ARHGEF10L: variants seen among roughly 807,000 people sequenced by gnomAD.
The protein encoded by ARHGEF10L is rho guanine nucleotide exchange factor 10-like protein.
ARHGEF10L carries 69 observed loss-of-function variants against 141.2 expected under a neutral mutation model. The ratio of observed to expected loss-of-function variants is 0.49; its 90% CI spans 0.40 to 0.60. ARHGEF10L has a LOEUF of 0.60. Ranked by LOEUF, ARHGEF10L falls within the 20% of genes least tolerant of loss-of-function variation. ARHGEF10L has a pLI of 0.00. For synonymous variants in ARHGEF10L, 711 were observed against 718.5 expected (o/e 0.99, Z 0.17); for missense variants, 1,482 against 1,734.3 (o/e 0.85, Z 2.58).
At chr1:17,536,230 G>A (rs777251146), upstream of ARHGEF10L, among the ~76,000 whole-genome samples, 6 of 152,090 alleles carry the variant, frequency 3.9e-5, no homozygotes, top group Non-Finnish European at 8.8e-5. Flanking sequence ...CTGTAATCCC[G>A]GCACTTTGGG....
At chr1:17,690,337 TC>T (rs537605800) in intron 27 of ARHGEF10L, among the ~76,000 whole-genome samples, 12 of 152,210 alleles carry the variant, frequency 7.9e-5, no homozygotes, top group South Asian at 2.1e-4. Context: ...CAGCTTCCCA[TC>T]CTCGGTCCCT....
chr1:17,605,423 G>A lies in ARHGEF10L; in HGVS notation c.433+1832G>A, dbSNP rs114968081. Among the ~76,000 whole-genome samples, 1,296 of 152,236 alleles carry A rather than the reference G, an allele frequency of 8.5e-3. 24 individuals are homozygous for A. The highest frequency in any genetic ancestry group is 0.029 in the African/African-American group (1,213 of 41,520). Reference sequence around the variant, plus strand: ...GTAGATTCCATGAGGTAATTGATGAGGACACTGAGCAGGAAGCATGAGGGG... The same window carrying A: ...GTAGATTCCATGAGGTAATTGATGAAGACACTGAGCAGGAAGCATGAGGGG... On this transcript the variant is annotated intron_variant, in intron 6 of 28. Transcript: ENST00000361221.
intron 8 of ARHGEF10L, among the ~76,000 whole-genome samples, chr1:17,614,452 T>C (rs186208173): frequency 9.2e-5 from 14 of 152,320 alleles, no homozygotes; most frequent in Non-Finnish European, 1.6e-4. Flanking sequence ...TGTTCTTTTT[T>C]GCCCAGGAAA....
intron 4 of ARHGEF10L, among the ~76,000 whole-genome samples, chr1:17,588,734 T>C (rs1332602623): frequency 6.6e-6 from 1 of 151,850 alleles, no homozygotes; most frequent in Non-Finnish European, 1.5e-5. Context: ...TCTGTGGCCT[T>C]GGAGGAGTCA....
chr1:17,542,835 C>T (rs1166237017), intron 1 of ARHGEF10L, among the ~76,000 whole-genome samples: 1 of 152,152 alleles, frequency 6.6e-6, no homozygotes, highest in East Asian at 1.9e-4. Context: ...GCGAAGGCGC[C>T]AGCACTCAGC....
chr1:17,671,489 T>C (rs74061927), intron 26 of ARHGEF10L, among the ~76,000 whole-genome samples: 8,733 of 152,230 alleles, frequency 0.057, 657 homozygotes, highest in African/African-American at 0.16. Context: ...ACCAGCCTTG[T>C]GGTGTTTCTA....
chr1:17,673,221 C>T lies in ARHGEF10L; in HGVS notation c.3009+8626C>T, dbSNP rs924133782. ...GGAAGGGGAGCTGGCACGGCAGGGG[C>T]AGTCCTGTCCTTGTGAGCCACCCCC... is the stretch of plus-strand genomic sequence containing the variant. On this transcript the variant is annotated intron_variant, in intron 26 of 28. Coordinates refer to ENST00000361221, the MANE Select transcript of ARHGEF10L (RefSeq NM_018125.4). This position sits in a 1 kb window ranked among gnomAD's most constrained non-coding sequence, Gnocchi z 4.1. 3.9e-5 allele frequency among the ~76,000 whole-genome samples: 6 copies of T among 152,054 alleles called. No individual in the cohort carries two copies. Among genetic ancestry groups the T allele is most frequent in the African/African-American group, 1.5e-4 (6 of 41,372 alleles).
intron 21 of ARHGEF10L, among the ~76,000 whole-genome samples, chr1:17,643,973 G>C (rs745708902): frequency 6.6e-6 from 1 of 152,134 alleles, no homozygotes; most frequent in East Asian, 1.9e-4. Context: ...GAGGTAGGGG[G>C]CTCCCTCATT....
the ARHGEF10L span, among the ~76,000 whole-genome samples, chr1:17,516,794 G>A: frequency 6.6e-6 from 1 of 152,296 alleles, no homozygotes; most frequent in South Asian, 2.1e-4. Flanking sequence ...CCCCGCCAAC[G>A]AAGAGGTCTC....
At chr1:17,592,723 G>A (rs1047274391) in intron 4 of ARHGEF10L, among the ~76,000 whole-genome samples, 1 of 152,118 alleles carries the variant, frequency 6.6e-6, no homozygotes, top group African/African-American at 2.4e-5. Context: ...CCAGATTGCC[G>A]CAGACCTAGT....
chr1:17,619,320 G>A lies in ARHGEF10L; in HGVS notation c.836-19G>A, dbSNP rs371204798. 64 of 1,610,134 alleles carry A rather than the reference G, an allele frequency of 4.0e-5. No individual in the cohort carries two copies. The highest frequency in any genetic ancestry group is 5.0e-5 in the Admixed American group (3 of 59,880). On this transcript the variant is annotated intron_variant, in intron 9 of 28. Coordinates refer to ENST00000361221, the MANE Select transcript of ARHGEF10L (RefSeq NM_018125.4). The surrounding 1 kb of genome is among the most constrained non-coding windows in gnomAD (Gnocchi z 5.0). Reference sequence around the variant, plus strand: ...CTGTCCCTGCCTTAGCTGTGTCATCGGCCCATCTGACTTTCCAGGTGACTC... The same window carrying A: ...CTGTCCCTGCCTTAGCTGTGTCATCAGCCCATCTGACTTTCCAGGTGACTC...
chr1:17,672,555 G>A (rs529333493), intron 26 of ARHGEF10L, among the ~76,000 whole-genome samples: 5 of 152,214 alleles, frequency 3.3e-5, no homozygotes, highest in African/African-American at 4.8e-5. Context: ...GGCTCTGCTC[G>A]GCAGTTTGTC....
chr1:17,631,395 C>T (rs556751622), intron 15 of ARHGEF10L, among the ~76,000 whole-genome samples: 30 of 152,304 alleles, frequency 2.0e-4, no homozygotes, highest in African/African-American at 6.7e-4. Context: ...TGCTTGGATG[C>T]CTGGGGTGTG....
chr1:17,630,206 G>A (rs1299469499), intron 15 of ARHGEF10L, among the ~76,000 whole-genome samples: 2 of 152,260 alleles, frequency 1.3e-5, no homozygotes, highest in African/African-American at 4.8e-5. Flanking sequence ...AAGCAGAAAC[G>A]AAACTGGGTG....
intron 18 of ARHGEF10L, among the ~76,000 whole-genome samples, chr1:17,636,385 A>G (rs2061004203): frequency 6.6e-6 from 1 of 152,270 alleles, no homozygotes; most frequent in Non-Finnish European, 1.5e-5. Context: ...TTGAAGAACC[A>G]TAAAACCAAC....
intron 1 of ARHGEF10L, among the ~76,000 whole-genome samples, chr1:17,545,122 A>G (rs1372371907): frequency 6.6e-6 from 1 of 152,062 alleles, no homozygotes; most frequent in Non-Finnish European, 1.5e-5. Flanking sequence ...TGTGTGTGTA[A>G]TGTACGTAGT....
intron 1 of ARHGEF10L, among the ~76,000 whole-genome samples, chr1:17,566,321 A>C (rs2256787): frequency 0.93 from 141,568 of 152,300 alleles, 65,846 homozygotes; most frequent in Non-Finnish European, 0.94. Flanking sequence ...CAAAGTGTCT[A>C]CTGCCATTGC....
Position 17,570,827 on chromosome 1 carries a change from G to T in ARHGEF10L, c.-43-9726G>T, listed in dbSNP as rs564710049. Among the ~76,000 whole-genome samples, 9 of 151,260 alleles carry T rather than the reference G, an allele frequency of 6.0e-5. No homozygotes were observed. The South Asian group carries it at 1.5e-3, about 24-fold the overall frequency. On this transcript the variant is annotated intron_variant, in intron 1 of 28. Coordinates refer to ENST00000361221, the MANE Select transcript of ARHGEF10L (RefSeq NM_018125.4). Reference sequence around the variant, plus strand: ...CGTATGTTGAAGGTAGAGCCAGCAGGTTTGCTGAAGGGTGGGCCCTGGGTG... The same window carrying T: ...CGTATGTTGAAGGTAGAGCCAGCAGTTTTGCTGAAGGGTGGGCCCTGGGTG...
chr1:17,516,788 G>T, the ARHGEF10L span, among the ~76,000 whole-genome samples: 2 of 152,236 alleles, frequency 1.3e-5, no homozygotes, highest in Admixed American at 6.5e-5. Context: ...CCAGGTCCCC[G>T]CCAACGAAGA....
Sources: gnomAD v4.1 joint callset for allele counts (sites outside exome capture counted in the v4.1 genomes callset) on GRCh38, gnomAD v4.1.1 for gene constraint, Gnocchi (gnomAD v3.1) non-coding constraint, MANE v1.5 for transcripts, NCBI Gene and HGNC (gene_info 2026-07-23, HGNC 2026-07-21) for gene names.